MSTO1: variants seen among roughly 807,000 people sequenced by gnomAD.
MSTO1 encodes the protein protein misato homolog 1.
MSTO1 carries 24 observed loss-of-function variants against 55.7 expected under a neutral mutation model. The ratio of observed to expected loss-of-function variants is 0.43; its 90% CI spans 0.31 to 0.61. MSTO1 has a LOEUF of 0.61. Ranked by LOEUF, MSTO1 falls within the 20% of genes least tolerant of loss-of-function variation. MSTO1 has a pLI of 0.09. For synonymous variants in MSTO1, 162 were observed against 252.8 expected (o/e 0.64, Z 3.41); for missense variants, 363 against 625.7 (o/e 0.58, Z 4.48).
At chr1:155,597,425 C>T in the MSTO1 span, among the ~76,000 whole-genome samples, 3 of 151,514 alleles carry the variant, frequency 2.0e-5, no homozygotes, top group Non-Finnish European at 2.9e-5. Context: ...GCTGAGATCA[C>T]GCCATTACAC....
At chr1:155,565,048 G>A in the MSTO1 span, among the ~76,000 whole-genome samples, 10 of 152,050 alleles carry the variant, frequency 6.6e-5, no homozygotes, top group Non-Finnish European at 1.3e-4. Flanking sequence ...TTGAACCCGG[G>A]AGGCAGAGAT....
upstream of MSTO1, among the ~76,000 whole-genome samples, chr1:155,608,496 CTTT>C (rs769788957): frequency 2.3e-5 from 3 of 132,776 alleles, no homozygotes; most frequent in African/African-American, 2.9e-5. Flanking sequence ...TGCCTTATCT[CTTT>C]TTTTTTTTTT....
the MSTO1 span, among the ~76,000 whole-genome samples, chr1:155,572,018 G>T: frequency 1.3e-5 from 2 of 151,640 alleles, no homozygotes; most frequent in Non-Finnish European, 2.9e-5. Context: ...CTGCAGCCTG[G>T]GCGACAGAGT....
the MSTO1 span, among the ~76,000 whole-genome samples, chr1:155,597,324 G>C: frequency 6.6e-6 from 1 of 151,702 alleles, no homozygotes; most frequent in Admixed American, 6.6e-5. Context: ...CAAAAAATTA[G>C]TAGGGCATAG....
At chr1:155,600,900 TCTC>T in the MSTO1 span, among the ~76,000 whole-genome samples, 6 of 151,090 alleles carry the variant, frequency 4.0e-5, no homozygotes, top group Admixed American at 4.0e-4. Context: ...ATGGTCTCGA[TCTC>T]CTGATCTCGT....
At chr1:155,592,568 T>C in the MSTO1 span, among the ~76,000 whole-genome samples, 5 of 152,286 alleles carry the variant, frequency 3.3e-5, no homozygotes, top group South Asian at 1.0e-3. Flanking sequence ...ACTTTTTTTT[T>C]TTTGAGATGG....
At chr1:155,569,443 T>TC in the MSTO1 span, among the ~76,000 whole-genome samples, 58 of 144,926 alleles carry the variant, frequency 4.0e-4, no homozygotes, top group Non-Finnish European at 7.3e-4. Flanking sequence ...TCTTTTTTTT[T>TC]TTTTTTTTTT....
chr1:155,564,987 G>A, the MSTO1 span, among the ~76,000 whole-genome samples: 863 of 152,190 alleles, frequency 5.7e-3, 7 homozygotes, highest in African/African-American at 0.02. Flanking sequence ...CGGGCGTGGT[G>A]GTGGGCGCCT....
chr1:155,589,677 C>T, the MSTO1 span, among the ~76,000 whole-genome samples: 4 of 152,040 alleles, frequency 2.6e-5, no homozygotes, highest in African/African-American at 7.2e-5. Context: ...AGCTGAAGAA[C>T]TTGGAGTCCA....
the MSTO1 span, among the ~76,000 whole-genome samples, chr1:155,599,286 G>A: frequency 6.6e-6 from 1 of 152,198 alleles, no homozygotes; most frequent in Admixed American, 6.5e-5. Context: ...ACAAGGTGAA[G>A]TCAATGTGAT....
chr1:155,593,985 A>G, the MSTO1 span, among the ~76,000 whole-genome samples: 1 of 151,886 alleles, frequency 6.6e-6, no homozygotes, highest in Non-Finnish European at 1.5e-5. Context: ...AAAAAATGCC[A>G]TGCAATGTAA....
At chr1:155,606,728 C>T (rs1672942470), upstream of MSTO1, among the ~76,000 whole-genome samples, 1 of 150,888 alleles carries the variant, frequency 6.6e-6, no homozygotes, top group African/African-American at 2.4e-5. Flanking sequence ...ACTATGTTAC[C>T]CAGGCTTGTT....
At chr1:155,587,621 A>G in the MSTO1 span, among the ~76,000 whole-genome samples, 16 of 150,178 alleles carry the variant, frequency 1.1e-4, no homozygotes, top group East Asian at 2.2e-3. Context: ...GCGGGCGCCT[A>G]TAGTCCCAGC....
chr1:155,585,875 T>A, the MSTO1 span, among the ~76,000 whole-genome samples: 1 of 152,158 alleles, frequency 6.6e-6, no homozygotes. Flanking sequence ...CTCTTGCCTT[T>A]TTGTTTCAGT....
chr1:155,584,908 T>G, the MSTO1 span, among the ~76,000 whole-genome samples: 1 of 144,086 alleles, frequency 6.9e-6, no homozygotes, highest in African/African-American at 2.5e-5. Context: ...GCCAGGTTTT[T>G]TTTTTTGTTT....
At chr1:155,597,486 T>C in the MSTO1 span, among the ~76,000 whole-genome samples, 2 of 151,368 alleles carry the variant, frequency 1.3e-5, no homozygotes, top group South Asian at 4.2e-4. Context: ...ACAATTGGAT[T>C]GATGTAGGAT....
chr1:155,612,533 C>A lies in MSTO1; in HGVS notation c.929C>A (p.Pro310His). Reference protein sequence around the residue: ...LSLGGSLGLRPEPPVSFPYLH... With the variant: ...LSLGGSLGLRHEPPVSFPYLH... ...TTGGGTGGGAGCCTGGGCCTGCGAC[C>A]CGAGCCACCTGTCAGCTTCCCTTAC... The change falls in exon 9 of 14, where the codon CCC becomes CAC. Residue 310 changes from proline (P) to histidine (H), a missense_variant. Transcript: ENST00000245564. 6.2e-7 allele frequency: 1 copy of A among 1,613,308 alleles called. No individual in the cohort carries two copies. The highest frequency in any genetic ancestry group is 8.5e-7 in the Non-Finnish European group (1 of 1,179,924).
the MSTO1 span, among the ~76,000 whole-genome samples, chr1:155,595,102 C>T: frequency 1.4e-5 from 2 of 142,056 alleles, no homozygotes; most frequent in African/African-American, 2.6e-5. Flanking sequence ...CATGCCACTA[C>T]ATTACAGCCT....
At chr1:155,575,224 AAGAG>A in the MSTO1 span, among the ~76,000 whole-genome samples, 56 of 151,808 alleles carry the variant, frequency 3.7e-4, no homozygotes, top group Admixed American at 2.6e-3. Flanking sequence ...CAAAAAAAAA[AAGAG>A]AGAGAGAGAA....
Sources: gnomAD v4.1 joint callset for allele counts (sites outside exome capture counted in the v4.1 genomes callset) on GRCh38, gnomAD v4.1.1 for gene constraint, MANE v1.5 for transcripts, NCBI Gene and HGNC (gene_info 2026-07-23, HGNC 2026-07-21) for gene names.